ATP10B: variants seen among roughly 807,000 people sequenced by gnomAD.
ATP10B encodes the protein ATPase phospholipid transporting 10B (putative), also known as phospholipid-transporting ATPase VB.
ATP10B carries 122 observed loss-of-function variants against 141.2 expected under a neutral mutation model. The ratio of observed to expected loss-of-function variants is 0.86; its 90% CI spans 0.75 to 1.00. The LOEUF is 1.00. Among genes scored for constraint, ATP10B ranks in the 50% least tolerant of loss-of-function variants. ATP10B has a pLI of 0.00. For synonymous variants in ATP10B, 685 were observed against 692.0 expected (o/e 0.99, Z 0.16); for missense variants, 1,876 against 1,825.3 (o/e 1.03, Z -0.51).
chr5:160,651,381 G>C (rs78338164), intron 7 of ATP10B, among the ~76,000 whole-genome samples: 1,701 of 152,066 alleles, frequency 0.011, 28 homozygotes, highest in African/African-American at 0.038. Flanking sequence ...CTTGAGGTGG[G>C]GAGATCTTGC....
At chr5:160,702,299 G>A (rs568703723) in intron 3 of ATP10B, among the ~76,000 whole-genome samples, 425 of 152,252 alleles carry the variant, frequency 2.8e-3, no homozygotes, top group Admixed American at 4.6e-3. Context: ...TCAGCCGTAG[G>A]CATTAAATTC....
rs531574627 is a variant in ATP10B, at chr5:160,600,346, C to A, written c.3364-1376G>T. 2.6e-5 allele frequency among the ~76,000 whole-genome samples: 4 copies of A among 152,270 alleles called. No individual in the cohort carries two copies. The South Asian group carries it at 8.3e-4, about 32-fold the overall frequency. Reference sequence around the variant, plus strand: ...TCAAAGTTCTTTCTCTTTTTAACTACCTCTAAACTTTCTCAGTCCTATCTT... The same window carrying A: ...TCAAAGTTCTTTCTCTTTTTAACTAACTCTAAACTTTCTCAGTCCTATCTT... On this transcript the variant is annotated intron_variant, in intron 21 of 25. Coordinates refer to ENST00000327245, the MANE Select transcript of ATP10B (RefSeq NM_025153.3).
intron 13 of ATP10B, among the ~76,000 whole-genome samples, chr5:160,624,742 G>A (rs928129258): frequency 6.6e-6 from 1 of 152,122 alleles, no homozygotes; most frequent in African/African-American, 2.4e-5. Flanking sequence ...AATGAATCCC[G>A]ACTTAACTAA....
chr5:160,699,585 G>A (rs1033284398), intron 3 of ATP10B, among the ~76,000 whole-genome samples: 2 of 152,202 alleles, frequency 1.3e-5, no homozygotes, highest in Non-Finnish European at 2.9e-5. Flanking sequence ...TTCCTTAATG[G>A]ACTAGGCATC....
Position 160,602,679 on chromosome 5 carries a change from G to T in ATP10B, c.3261C>A (p.Ala1087=), listed in dbSNP as rs199827005. The change falls in exon 21 of 26, where the codon GCC becomes GCA. Residue 1087 remains alanine, a synonymous_variant. Transcript: ENST00000327245. The part of the protein sequence containing the change: ...GMQAVMSSDF[A]ITRFKHLKKL... The stretch of plus-strand genomic sequence containing the variant: ...TCTTGAGATGCTTAAAGCGGGTGAT[G>T]GCAAAGTCGCTGGACATGACAGCCT... 7 of 1,613,992 alleles carry T rather than the reference G, an allele frequency of 4.3e-6. No individual in the cohort carries two copies. The Admixed American group carries it at 1.0e-4, about 23-fold the overall frequency.
intron 1 of ATP10B, among the ~76,000 whole-genome samples, chr5:160,833,656 C>T (rs1270634066): frequency 2.0e-5 from 3 of 151,968 alleles, no homozygotes; most frequent in Admixed American, 6.6e-5. Context: ...TATAAAATAA[C>T]TATGATTACA....
the ATP10B span, among the ~76,000 whole-genome samples, chr5:160,908,442 A>G: frequency 2.0e-5 from 3 of 152,224 alleles, no homozygotes; most frequent in African/African-American, 7.2e-5. Flanking sequence ...ATGGATTCAA[A>G]CTATGAAAGA....
chr5:160,879,731 G>A, the ATP10B span, among the ~76,000 whole-genome samples: 1 of 152,002 alleles, frequency 6.6e-6, no homozygotes, highest in Non-Finnish European at 1.5e-5. Flanking sequence ...CCAGCTACTT[G>A]GGAGGCTGAG....
chr5:160,729,337 A>T (rs1766582290), intron 2 of ATP10B, among the ~76,000 whole-genome samples: 1 of 152,118 alleles, frequency 6.6e-6, no homozygotes, highest in Admixed American at 6.5e-5. Context: ...AGTTCATGAC[A>T]CAATTTCTTC....
the ATP10B span, among the ~76,000 whole-genome samples, chr5:160,923,075 T>C: frequency 2.6e-5 from 4 of 152,268 alleles, no homozygotes; most frequent in South Asian, 8.3e-4. Flanking sequence ...ATGTGGAGAA[T>C]AGACAGAGCA....
chr5:160,829,291 T>G (rs1774888343), intron 1 of ATP10B, among the ~76,000 whole-genome samples: 1 of 152,086 alleles, frequency 6.6e-6, no homozygotes, highest in Non-Finnish European at 1.5e-5. Flanking sequence ...TTTCTGGTTT[T>G]TCTGTTCTGT....
At chr5:160,582,980 A>C (rs1185086496) in intron 24 of ATP10B, among the ~76,000 whole-genome samples, 3 of 152,058 alleles carry the variant, frequency 2.0e-5, no homozygotes, top group African/African-American at 4.8e-5. Flanking sequence ...CCATCCCTCT[A>C]ATCTTTTTTC....
At chr5:160,699,188 C>T (rs1764541045) in intron 3 of ATP10B, among the ~76,000 whole-genome samples, 1 of 152,184 alleles carries the variant, frequency 6.6e-6, no homozygotes, top group South Asian at 2.1e-4. Context: ...AAAGACAGTG[C>T]AGGCAATATT....
chr5:160,775,393 T>G (rs1185402100), intron 2 of ATP10B, among the ~76,000 whole-genome samples: 1 of 152,206 alleles, frequency 6.6e-6, no homozygotes, highest in African/African-American at 2.4e-5. Flanking sequence ...TGCTTTGTTT[T>G]CACAGCTGAA....
chr5:160,583,045 G>A (rs1296361288), intron 24 of ATP10B, among the ~76,000 whole-genome samples: 1 of 152,134 alleles, frequency 6.6e-6, no homozygotes, highest in Non-Finnish European at 1.5e-5. Flanking sequence ...GCTTGGAGGT[G>A]TTTGTTATTA....
intron 1 of ATP10B, among the ~76,000 whole-genome samples, chr5:160,786,760 AC>A (rs1771180997): frequency 6.6e-6 from 1 of 152,176 alleles, no homozygotes; most frequent in South Asian, 2.1e-4. Flanking sequence ...ATGCATATGC[AC>A]ACACACATAC....
At chr5:160,819,040 C>T (rs867226966) in intron 1 of ATP10B, among the ~76,000 whole-genome samples, 1 of 152,058 alleles carries the variant, frequency 6.6e-6, no homozygotes, top group South Asian at 2.1e-4. Flanking sequence ...AGGAGATATA[C>T]CTAATGCTAA....
intron 2 of ATP10B, among the ~76,000 whole-genome samples, chr5:160,749,928 G>A (rs1000808156): frequency 5.9e-5 from 9 of 152,134 alleles, no homozygotes; most frequent in South Asian, 2.1e-4. Context: ...CTCTGAGCCC[G>A]AATGAGAATG....
intron 3 of ATP10B, among the ~76,000 whole-genome samples, chr5:160,698,677 T>C (rs1169050405): frequency 1.3e-5 from 2 of 151,204 alleles, no homozygotes; most frequent in Non-Finnish European, 2.9e-5. Context: ...AATAAAATGG[T>C]TGGGAGATGA....
Sources: allele counts gnomAD v4.1 joint callset (sites outside exome capture counted in the v4.1 genomes callset), GRCh38; gene constraint gnomAD v4.1.1; transcripts MANE v1.5; gene names NCBI Gene and HGNC (gene_info 2026-07-23, HGNC 2026-07-21).